Variants in TENM3 observed in about 807,000 individuals in gnomAD.
TENM3 encodes teneurin-3.
In TENM3, 63 loss-of-function variants were observed where a neutral mutation model predicts 255.1. The observed-to-expected ratio is 0.25, with a 90% CI of 0.20 to 0.30. The LOEUF is 0.30. TENM3 is among the 10% of genes least tolerant of loss of function. The probability of loss-of-function intolerance (pLI) is 1.00; values close to 1 mark genes in which losing one functional copy is unlikely to be tolerated. For synonymous variants in TENM3, 1,306 were observed against 1,322.3 expected, an observed-to-expected ratio of 0.99 and a Z score of 0.27; for missense variants, 2,929 against 3,461.1, an observed-to-expected ratio of 0.85 and a Z score of 3.86.
the TENM3 span, among the ~76,000 whole-genome samples, chr4:181,816,256 C>G: frequency 1.3e-5 from 2 of 152,176 alleles, no homozygotes; most frequent in Admixed American, 1.3e-4. Context: ...CTTTGAGGAG[C>G]AGGTAAACCC....
intron 1 of TENM3, among the ~76,000 whole-genome samples, chr4:182,180,245 T>G (rs772414214): frequency 2.0e-5 from 3 of 152,238 alleles, no homozygotes; most frequent in Non-Finnish European, 4.4e-5. Context: ...TTTTCCTTGC[T>G]TTTCACCAAA....
chr4:182,213,681 C>T (rs1370013267), intron 1 of TENM3, among the ~76,000 whole-genome samples: 1 of 152,166 alleles, frequency 6.6e-6, no homozygotes, highest in East Asian at 1.9e-4. Flanking sequence ...CTTCTTAGCT[C>T]TATTTGCATG....
At chr4:182,763,683 A>G (rs1763409544) in intron 22 of TENM3, among the ~76,000 whole-genome samples, 1 of 152,232 alleles carries the variant, frequency 6.6e-6, no homozygotes, top group Admixed American at 6.5e-5. Context: ...TATAGTAATA[A>G]AAGAAAGGTT....
At chr4:181,992,269 C>G in the TENM3 span, among the ~76,000 whole-genome samples, 1 of 152,094 alleles carries the variant, frequency 6.6e-6, no homozygotes, top group Non-Finnish European at 1.5e-5. Flanking sequence ...TTTCAAACAG[C>G]ATGTTTTTAG....
At chr4:182,582,486 A>G (rs1514479) in intron 3 of TENM3, among the ~76,000 whole-genome samples, 50,730 of 151,796 alleles carry the variant, frequency 0.33, 9,746 homozygotes, top group East Asian at 0.48. Flanking sequence ...TTTCATGAGT[A>G]TAAATTTCTG....
At chr4:182,203,083 G>A (rs1045759416) in intron 1 of TENM3, among the ~76,000 whole-genome samples, 1 of 152,102 alleles carries the variant, frequency 6.6e-6, no homozygotes, top group African/African-American at 2.4e-5. Context: ...CAGGCGTAGT[G>A]GTGGGTGCCT....
chr4:182,112,927 A>G, the TENM3 span, among the ~76,000 whole-genome samples: 2 of 152,204 alleles, frequency 1.3e-5, no homozygotes, highest in Non-Finnish European at 2.9e-5. Context: ...TACTGCTAAC[A>G]GTCTGGATGA....
chr4:182,727,774 A>G (rs1307856415), intron 13 of TENM3, among the ~76,000 whole-genome samples: 1 of 151,960 alleles, frequency 6.6e-6, no homozygotes, highest in East Asian at 1.9e-4. Context: ...CCTCCATTTT[A>G]GTGAGTGTAT....
At chr4:182,168,043 C>G (rs1229225719) in intron 1 of TENM3, among the ~76,000 whole-genome samples, 1 of 152,150 alleles carries the variant, frequency 6.6e-6, no homozygotes, top group Admixed American at 6.5e-5. Context: ...TCGATTAGAG[C>G]TAGGTGAGTT....
chr4:182,522,416 G>A (rs868399451), intron 3 of TENM3, among the ~76,000 whole-genome samples: 7 of 152,122 alleles, frequency 4.6e-5, no homozygotes, highest in South Asian at 2.1e-4. Flanking sequence ...TCAGTCCCAC[G>A]TATGAATGAG....
chr4:182,689,051 T>C (rs1274703152), intron 12 of TENM3, among the ~76,000 whole-genome samples: 1 of 152,198 alleles, frequency 6.6e-6, no homozygotes, highest in Admixed American at 6.5e-5. Context: ...ATATCATGTT[T>C]TCAAGATACT....
At chr4:182,668,107 A>G (rs1754875410) in intron 6 of TENM3, among the ~76,000 whole-genome samples, 1 of 152,096 alleles carries the variant, frequency 6.6e-6, no homozygotes, top group South Asian at 2.1e-4. Context: ...CCCCATTGTT[A>G]ACCCCACATT....
chr4:181,912,643 T>G, the TENM3 span, among the ~76,000 whole-genome samples: 6 of 151,050 alleles, frequency 4.0e-5, no homozygotes, highest in African/African-American at 7.3e-5. Context: ...AAATACAAAT[T>G]AGCCTGTAAT....
At position 182,799,069 on chromosome 4, in the gene TENM3, C is replaced by T. The variant is rs961633172; in HGVS notation, c.7345-527C>T. Among the ~76,000 whole-genome samples the T allele has an allele frequency of 6.6e-6, 1 of 152,258 alleles. No individual in the cohort carries two copies. Among genetic ancestry groups the T allele is most frequent in the African/African-American group, 2.4e-5 (1 of 41,472 alleles). ...TGTACATTTCAGTTCTGCGGTTACA[C>T]TCACCATCTTCAGCTGAAAACTCTG... On this transcript the variant is annotated intron_variant, in intron 27 of 27. Coordinates refer to ENST00000511685, the MANE Select transcript of TENM3 (RefSeq NM_001080477.4). This position sits in a 1 kb window ranked among gnomAD's most constrained non-coding sequence, Gnocchi z 4.2.
chr4:182,398,429 T>A (rs531952554), intron 3 of TENM3, among the ~76,000 whole-genome samples: 1 of 152,198 alleles, frequency 6.6e-6, no homozygotes, highest in Admixed American at 6.5e-5. Context: ...ATTTCAGAGG[T>A]GCTGTTATAT....
At chr4:182,794,736 A>G (rs1323881490) in intron 26 of TENM3, among the ~76,000 whole-genome samples, 1 of 152,182 alleles carries the variant, frequency 6.6e-6, no homozygotes, top group East Asian at 1.9e-4. Flanking sequence ...ATCAGATCCC[A>G]CTTCTGCCAC....
the TENM3 span, among the ~76,000 whole-genome samples, chr4:181,618,191 C>T: frequency 1.3e-5 from 2 of 152,118 alleles, no homozygotes; most frequent in Admixed American, 6.6e-5. Context: ...TATGAGTTCC[C>T]GCAGGCACTC....
At chr4:182,640,413 T>A (rs1003916148) in intron 5 of TENM3, among the ~76,000 whole-genome samples, 1 of 152,234 alleles carries the variant, frequency 6.6e-6, no homozygotes, top group Non-Finnish European at 1.5e-5. Context: ...TTTCTAGTTT[T>A]AACAAGCTAA....
chr4:181,844,628 A>G, the TENM3 span, among the ~76,000 whole-genome samples: 5 of 151,910 alleles, frequency 3.3e-5, no homozygotes, highest in African/African-American at 9.7e-5. Flanking sequence ...AGATCACACC[A>G]CTGCACTCCA....
Sources: allele counts gnomAD v4.1 joint callset (sites outside exome capture counted in the v4.1 genomes callset), GRCh38; gene constraint gnomAD v4.1.1; non-coding constraint Gnocchi (gnomAD v3.1); transcripts MANE v1.5; gene names NCBI Gene and HGNC (gene_info 2026-07-23, HGNC 2026-07-21).